The following ROCK2 variants were observed in gnomAD, a reference collection of about 807,000 sequenced individuals.
ROCK2 encodes rho-associated protein kinase 2.
Under a neutral mutation model 195.1 loss-of-function variants are expected in ROCK2, and 61 were observed. The ratio of observed to expected loss-of-function variants is 0.31; its 90% CI spans 0.25 to 0.39. The LOEUF is 0.39. Among genes scored for constraint, ROCK2 ranks in the 10% least tolerant of loss-of-function variants. The probability of loss-of-function intolerance (pLI) is 1.00; values close to 1 mark genes in which losing one functional copy is unlikely to be tolerated. For missense variants in ROCK2, 1,109 were observed against 1,637.4 expected, an observed-to-expected ratio of 0.68 and a Z score of 5.57; for synonymous variants, 504 against 545.5, an observed-to-expected ratio of 0.92 and a Z score of 1.06.
chr2:11,238,245 T>TGTGTGTGTGTGTGTGTGTGTGTGTGTC (rs11377542), intron 4 of ROCK2, among the ~76,000 whole-genome samples: 64 of 38,420 alleles, frequency 1.7e-3, no homozygotes, highest in African/African-American at 4.4e-3. Context: ...TGTGTGTCTG[T>TGTGTGTGTGTGTGTGTGTGTGTGTGTC]TGTGTGTGTC....
Position 11,235,457 on chromosome 2 carries a change from A to C in ROCK2, c.723+245T>G, listed in dbSNP as rs950515367. 2.0e-5 allele frequency among the ~76,000 whole-genome samples: 3 copies of C among 152,214 alleles called. No homozygotes were observed. On this transcript the variant is annotated intron_variant, in intron 5 of 32. Coordinates refer to ENST00000315872, the MANE Select transcript of ROCK2 (RefSeq NM_004850.5). This position sits in a 1 kb window ranked among gnomAD's most constrained non-coding sequence, Gnocchi z 4.2. ...AGCAAATGCTTGTCAACAGTCTATG[A>C]GGAAGATAACTAAGCTAAGTTTTTA...
intron 1 of ROCK2, among the ~76,000 whole-genome samples, chr2:11,310,739 A>T (rs139033177): frequency 1.9e-3 from 289 of 152,278 alleles, no homozygotes; most frequent in African/African-American, 6.4e-3. Flanking sequence ...AAAGAATCAT[A>T]GGTTGTATAT....
chr2:11,321,147 G>A (rs935937586), intron 1 of ROCK2, among the ~76,000 whole-genome samples: 2 of 152,000 alleles, frequency 1.3e-5, no homozygotes, highest in Non-Finnish European at 2.9e-5. Context: ...GCTCTTTACC[G>A]GCATAACAAA....
chr2:11,252,330 G>A (rs1243598620), intron 3 of ROCK2, among the ~76,000 whole-genome samples: 2 of 151,578 alleles, frequency 1.3e-5, no homozygotes, highest in Non-Finnish European at 2.9e-5. Flanking sequence ...AGAATGGCTT[G>A]AACCCGGGTG....
intron 1 of ROCK2, among the ~76,000 whole-genome samples, chr2:11,319,955 G>C (rs1001473797): frequency 4.6e-5 from 7 of 152,156 alleles, no homozygotes; most frequent in African/African-American, 1.7e-4. Context: ...AAACTATTCA[G>C]GGTGGATCCA....
chr2:11,209,250 A>C (rs1321809524), intron 18 of ROCK2, among the ~76,000 whole-genome samples: 1 of 152,182 alleles, frequency 6.6e-6, no homozygotes, highest in Non-Finnish European at 1.5e-5. Flanking sequence ...TCTGAGCTTA[A>C]ACCCTGGGTC....
chr2:11,265,352 T>A (rs1572332974), intron 3 of ROCK2, among the ~76,000 whole-genome samples: 1 of 152,304 alleles, frequency 6.6e-6, no homozygotes, highest in South Asian at 2.1e-4. Flanking sequence ...AGGTGAATTT[T>A]AAAAATATAA....
intron 1 of ROCK2, among the ~76,000 whole-genome samples, chr2:11,297,550 G>A (rs1046506276): frequency 6.6e-6 from 1 of 150,530 alleles, no homozygotes; most frequent in African/African-American, 2.4e-5. Flanking sequence ...GTCATATGTT[G>A]TTTTTTTTTC....
chr2:11,273,062 C>T (rs1028992915), intron 3 of ROCK2, among the ~76,000 whole-genome samples: 8 of 20,698 alleles, frequency 3.9e-4, no homozygotes, highest in African/African-American at 1.3e-3. Context: ...GAACTGAACA[C>T]AAAAGCCAAG....
intron 17 of ROCK2, 94 bp from the exon 18 acceptor site, chr2:11,211,934 C>A: frequency 2.1e-6 from 2 of 936,572 alleles, no homozygotes; most frequent in South Asian, 2.1e-5. Flanking sequence ...GAGACAGAGT[C>A]TTGCTCTGTT....
chr2:11,209,621 G>A (rs1664180343), intron 18 of ROCK2, among the ~76,000 whole-genome samples: 1 of 151,986 alleles, frequency 6.6e-6, no homozygotes, highest in African/African-American at 2.4e-5. Context: ...CTTATCAGAA[G>A]GCAAAGTTCC....
At chr2:11,189,865 T>C (rs1216260005) in intron 32 of ROCK2, among the ~76,000 whole-genome samples, 1 of 151,682 alleles carries the variant, frequency 6.6e-6, no homozygotes, top group Non-Finnish European at 1.5e-5. Context: ...ATGGTGCATG[T>C]ATGTGGTCCC....
At chr2:11,199,388 C>A (rs1444555963) in intron 23 of ROCK2, among the ~76,000 whole-genome samples, 3 of 151,634 alleles carry the variant, frequency 2.0e-5, no homozygotes, top group African/African-American at 4.9e-5. Context: ...GCGATCACCA[C>A]TCACTGTAGC....
intron 5 of ROCK2, among the ~76,000 whole-genome samples, chr2:11,229,230 A>G (rs1209341336): frequency 6.6e-6 from 1 of 152,192 alleles, no homozygotes; most frequent in Non-Finnish European, 1.5e-5. Context: ...TAATGTTCTA[A>G]CCATAATTTT....
At chr2:11,210,298 G>A (rs1664204104) in intron 18 of ROCK2, among the ~76,000 whole-genome samples, 1 of 150,658 alleles carries the variant, frequency 6.6e-6, no homozygotes, top group Admixed American at 6.6e-5. Flanking sequence ...ATAGAAAGAG[G>A]CATTACTGAG....
intron 4 of ROCK2, among the ~76,000 whole-genome samples, chr2:11,248,417 G>A (rs80245391): frequency 0.024 from 3,586 of 151,788 alleles, 67 homozygotes; most frequent in East Asian, 0.053. Flanking sequence ...TAATAGTAAC[G>A]AAGGCAAAGG....
chr2:11,186,899 G>C (rs946366294), intron 32 of ROCK2, among the ~76,000 whole-genome samples: 1 of 151,994 alleles, frequency 6.6e-6, no homozygotes, highest in Non-Finnish European at 1.5e-5. Context: ...TGCTTCCCTC[G>C]TTTCCCCAAG....
intron 1 of ROCK2, among the ~76,000 whole-genome samples, chr2:11,315,698 A>T (rs978342422): frequency 7.9e-5 from 12 of 152,120 alleles, no homozygotes; most frequent in African/African-American, 2.9e-4. Flanking sequence ...ATAGTGAAAA[A>T]ACTCATCAGA....
In ROCK2 at chr2:11,344,207, C is replaced by T. The variant is rs974818442; in HGVS notation, c.-71G>A. ...CGCAGCCTCGGGGCCTAGCACCGCCCCCGAACCACCAGCTCCGGCCGGGAC... is the reference window on the plus strand; with the variant it reads ...CGCAGCCTCGGGGCCTAGCACCGCCTCCGAACCACCAGCTCCGGCCGGGAC... On this transcript the variant is annotated 5_prime_UTR_variant, in exon 1 of 33. Coordinates refer to ENST00000315872, the MANE Select transcript of ROCK2 (RefSeq NM_004850.5). This position sits in a 1 kb window ranked among gnomAD's most constrained non-coding sequence, Gnocchi z 5.4. 2.2e-6 allele frequency: 3 copies of T among 1,342,660 alleles called. No homozygotes were observed. Among genetic ancestry groups the T allele is most frequent in the South Asian group, 1.9e-5 (1 of 53,016 alleles). The allele number at this position is 1,342,660 out of a possible 1,614,324, so 83.2% of individuals were successfully genotyped here. A position where few individuals can be genotyped will look rare whatever the true frequency, so the allele number is the denominator to read the frequency against.
Sources: gnomAD v4.1 joint callset for allele counts (sites outside exome capture counted in the v4.1 genomes callset) on GRCh38, gnomAD v4.1.1 for gene constraint, Gnocchi (gnomAD v3.1) non-coding constraint, MANE v1.5 for transcripts, NCBI Gene and HGNC (gene_info 2026-07-23, HGNC 2026-07-21) for gene names.